Variants in PCDHGB5 observed in about 807,000 individuals in gnomAD.
PCDHGB5 encodes protocadherin gamma subfamily B, 5.
In PCDHGB5, 48 loss-of-function variants were observed where a neutral mutation model predicts 62.9. That is an observed-to-expected ratio of 0.76 (90% CI 0.61 to 0.97). The LOEUF (loss-of-function observed/expected upper bound fraction) is 0.97, where lower values mean the gene tolerates loss of function less well. Ranked by LOEUF, PCDHGB5 falls within the 50% of genes least tolerant of loss-of-function variation. The pLI is 0.00. For synonymous variants in PCDHGB5, 474 were observed against 511.2 expected (o/e 0.93, Z 0.98); for missense variants, 1,118 against 1,198.6 (o/e 0.93, Z 0.99).
chr5:141,481,897 G>A (rs916673176), intron 1 of PCDHGB5, among the ~76,000 whole-genome samples: 3 of 128,712 alleles, frequency 2.3e-5, no homozygotes, highest in South Asian at 5.0e-4. Context: ...CTGGGTGAAA[G>A]AGCGAAACTC....
chr5:141,448,851 A>T (rs1374003271), intron 1 of PCDHGB5, among the ~76,000 whole-genome samples: 1 of 152,124 alleles, frequency 6.6e-6, no homozygotes, highest in Admixed American at 6.5e-5. Context: ...AGGCTGAGGC[A>T]GGAGAATGGC....
Position 141,399,649 on chromosome 5 carries a change from G to T in PCDHGB5, c.1522G>T (p.Gly508Trp). 1.2e-6 allele frequency: 2 copies of T among 1,613,794 alleles called. No homozygotes were observed. The highest frequency in any genetic ancestry group is 1.3e-5 in the African/African-American group (1 of 75,076). The change falls in exon 1 of 4, where the codon GGG (glycine) becomes TGG (tryptophan). Residue 508 changes from glycine (G) to tryptophan (W), a missense_variant. Gly to Trp is a radical substitution (Grantham distance 184). Coordinates refer to ENST00000617380, the MANE Select transcript of PCDHGB5 (RefSeq NM_018925.3). ...TTACGTGTCCATGAGCGCGCAAAGTGGGGTGGTGTTCGCGCAGCGCGCCTT... is the reference window on the plus strand; with the variant it reads ...TTACGTGTCCATGAGCGCGCAAAGTTGGGTGGTGTTCGCGCAGCGCGCCTT... ...ASYVSMSAQS[G>W]VVFAQRAFDY...
intron 1 of PCDHGB5, chr5:141,414,700 A>G (rs886960965): frequency 6.2e-7 from 1 of 1,613,994 alleles, no homozygotes. Context: ...GTCCTCATAC[A>G]TATCCATCAA....
chr5:141,477,265 G>A lies in PCDHGB5; in HGVS notation c.2398-17542G>A. The A allele has an allele frequency of 6.2e-7, 1 of 1,614,198 alleles. No individual in the cohort carries two copies. Among genetic ancestry groups the A allele is most frequent in the African/African-American group, 1.3e-5 (1 of 75,048 alleles). On this transcript the variant is annotated intron_variant, in intron 1 of 3. Transcript: ENST00000617380. The surrounding 1 kb of genome is among the most constrained non-coding windows in gnomAD (Gnocchi z 4.9). ...GTGTGACTGACCTGGATGCTGGCGA[G>A]AACGGGCTGGTGACCTGCGAAGTTC...
intron 1 of PCDHGB5, among the ~76,000 whole-genome samples, chr5:141,435,219 C>A (rs1226171884): frequency 6.6e-6 from 1 of 152,118 alleles, no homozygotes; most frequent in Non-Finnish European, 1.5e-5. Flanking sequence ...AATTTACTTT[C>A]TTTCAAAGTT....
intron 2 of PCDHGB5, among the ~76,000 whole-genome samples, chr5:141,503,688 T>A (rs2099828724): frequency 6.6e-6 from 1 of 152,042 alleles, no homozygotes; most frequent in African/African-American, 2.4e-5. Context: ...GGAAGGAGAA[T>A]TGAGATTCCT....
At chr5:141,415,589 T>A in intron 1 of PCDHGB5, 1 of 1,614,062 alleles carries the variant, frequency 6.2e-7, no homozygotes, top group East Asian at 2.2e-5. Flanking sequence ...AAGTTTCCTA[T>A]AGAGGATACC....
chr5:141,403,442 G>A, intron 1 of PCDHGB5: 2 of 1,614,024 alleles, frequency 1.2e-6, no homozygotes, highest in Admixed American at 1.7e-5. Flanking sequence ...GGATGTTGGC[G>A]TGAACTCCCT....
intron 1 of PCDHGB5, chr5:141,404,355 G>A (rs1170833341): frequency 6.2e-7 from 1 of 1,613,896 alleles, no homozygotes; most frequent in Admixed American, 1.7e-5. Flanking sequence ...AACGCCAGAG[G>A]TACTTCCATC....
intron 1 of PCDHGB5, among the ~76,000 whole-genome samples, chr5:141,454,357 TAGAA>T (rs758087339): frequency 3.5e-4 from 54 of 152,354 alleles, no homozygotes; most frequent in Non-Finnish European, 6.3e-4. Context: ...GATCCAAACT[TAGAA>T]AGGAGTATGG....
At chr5:141,437,345 A>T (rs1018513998) in intron 1 of PCDHGB5, among the ~76,000 whole-genome samples, 2 of 152,252 alleles carry the variant, frequency 1.3e-5, no homozygotes, top group Non-Finnish European at 2.9e-5. Context: ...TCACTGTTTT[A>T]TAGTACCTAA....
chr5:141,499,486 C>T (rs569172977), intron 2 of PCDHGB5, among the ~76,000 whole-genome samples: 3 of 152,284 alleles, frequency 2.0e-5, no homozygotes, highest in East Asian at 1.9e-4. Context: ...CCACCAACTA[C>T]AGTTTAATAT....
At position 141,409,990 on chromosome 5, in the gene PCDHGB5, C is replaced by G. The variant is rs377295503; in HGVS notation, c.2397+9466C>G. On this transcript the variant is annotated intron_variant, in intron 1 of 3. Transcript: ENST00000617380. The stretch of plus-strand genomic sequence containing the variant: ...TGACTAAGGTGGTAGCGGTGGACGC[C>G]GACTCGGGACACAACGCCTGGCTGT... 2.7e-5 allele frequency: 44 copies of G among 1,613,278 alleles called. No homozygotes were observed. The African/African-American group carries it at 5.3e-4, about 20-fold the overall frequency.
intron 1 of PCDHGB5, chr5:141,422,639 C>T (rs777330051): frequency 3.7e-6 from 6 of 1,612,780 alleles, no homozygotes; most frequent in South Asian, 2.2e-5. Flanking sequence ...AGGGGTGCCT[C>T]CATCTTCTCA....
intron 3 of PCDHGB5, among the ~76,000 whole-genome samples, chr5:141,507,582 T>G (rs1221383898): frequency 6.6e-6 from 1 of 152,264 alleles, no homozygotes; most frequent in Non-Finnish European, 1.5e-5. Flanking sequence ...AGATGCCAAG[T>G]TGGCCTCTTG....
In PCDHGB5 at chr5:141,431,643, A is replaced by G. The variant is rs528599572; in HGVS notation, c.2397+31119A>G. Reference sequence around the variant, plus strand: ...AAGGCGGCCCAAGTTTTCAAACTAGATTGTAATTCAGGGACAATATCAACA... The same window carrying G: ...AAGGCGGCCCAAGTTTTCAAACTAGGTTGTAATTCAGGGACAATATCAACA... On this transcript the variant is annotated intron_variant, in intron 1 of 3. Coordinates refer to ENST00000617380, the MANE Select transcript of PCDHGB5 (RefSeq NM_018925.3). The surrounding 1 kb of genome is among the most constrained non-coding windows in gnomAD (Gnocchi z 4.8). 5.0e-5 allele frequency: 81 copies of G among 1,614,240 alleles called. No individual in the cohort carries two copies. In the South Asian group the frequency reaches 7.4e-4, roughly 15 times the overall value.
intron 1 of PCDHGB5, among the ~76,000 whole-genome samples, chr5:141,464,193 A>C (rs991769179): frequency 1.3e-5 from 2 of 149,674 alleles, no homozygotes; most frequent in Non-Finnish European, 3.0e-5. Flanking sequence ...TGATTTCAGG[A>C]GGCGGAGATT....
intron 1 of PCDHGB5, chr5:141,403,407 A>T (rs2094404225): frequency 6.2e-7 from 1 of 1,613,940 alleles, no homozygotes. Context: ...GGAGCACGTT[A>T]TCCACTTCCA....
rs755445485 is a variant in PCDHGB5, at chr5:141,399,289, T to C, written c.1162T>C (p.Phe388Leu). 1 of 1,613,918 alleles carries C rather than the reference T, an allele frequency of 6.2e-7. No individual in the cohort carries two copies. Among genetic ancestry groups the C allele is most frequent in the Admixed American group, 1.7e-5 (1 of 60,018 alleles). The change falls in exon 1 of 4, where the codon TTT becomes CTT. Residue 388 changes from phenylalanine to leucine, a missense_variant. Around this residue, in one of 2 missense-constraint regions of PCDHGB5, gnomAD observed 1,034 missense variants for 1,029.1 expected, o/e 1.00. Transcript: ENST00000617380. ...TTGTCAATTACAAGGCGAAGTCCCT[T>C]TTAAGATTATCTCTTCATCCAAAAA... is the stretch of plus-strand genomic sequence containing the variant. ...VNCQLQGEVPFKIISSSKNSY... is the reference protein window; with the variant it reads ...VNCQLQGEVPLKIISSSKNSY...
Sources: gnomAD v4.1 joint callset for allele counts (sites outside exome capture counted in the v4.1 genomes callset) on GRCh38, gnomAD v4.1.1 for gene constraint, gnomAD v4.1.1 regional missense constraint, Gnocchi (gnomAD v3.1) non-coding constraint, MANE v1.5 for transcripts, NCBI Gene and HGNC (gene_info 2026-07-23, HGNC 2026-07-21) for gene names.